The following FUT8 variants were observed in gnomAD, a reference collection of about 807,000 sequenced individuals.
FUT8 encodes fucosyltransferase 8, also known as alpha-(1,6)-fucosyltransferase.
In FUT8, 29 loss-of-function variants were observed where a neutral mutation model predicts 71.3. The ratio of observed to expected loss-of-function variants is 0.41; its 90% CI spans 0.30 to 0.55. The LOEUF (loss-of-function observed/expected upper bound fraction) is 0.55, where lower values mean the gene tolerates loss of function less well. Among genes scored for constraint, FUT8 ranks in the 20% least tolerant of loss-of-function variants. The probability of loss-of-function intolerance (pLI) is 0.34; values close to 1 mark genes in which losing one functional copy is unlikely to be tolerated. For synonymous variants in FUT8, 254 were observed against 239.3 expected (o/e 1.06, Z -0.57); for missense variants, 544 against 702.1 (o/e 0.77, Z 2.55).
intron 7 of FUT8, among the ~76,000 whole-genome samples, chr14:65,712,782 C>A (rs1894869474): frequency 6.6e-6 from 1 of 152,012 alleles, no homozygotes; most frequent in Non-Finnish European, 1.5e-5. Context: ...TGAAAAAATT[C>A]TGTGGGTACA....
At chr14:65,741,864 TA>T (rs1896522009) in intron 10 of FUT8, among the ~76,000 whole-genome samples, 1 of 152,010 alleles carries the variant, frequency 6.6e-6, no homozygotes, top group African/African-American at 2.4e-5. Flanking sequence ...ATTTTAATTG[TA>T]ATAATCTTTC....
chr14:65,668,472 A>G (rs762367042), intron 6 of FUT8, among the ~76,000 whole-genome samples: 1 of 152,204 alleles, frequency 6.6e-6, no homozygotes, highest in Non-Finnish European at 1.5e-5. Flanking sequence ...ATGCAAATCA[A>G]AATCACAGTG....
intron 2 of FUT8, among the ~76,000 whole-genome samples, chr14:65,528,193 C>T (rs1883639111): frequency 6.6e-6 from 1 of 152,234 alleles, no homozygotes; most frequent in Non-Finnish European, 1.5e-5. Flanking sequence ...GCGGTGGACT[C>T]CACCCAGTTT....
chr14:65,553,835 T>C (rs951426921), intron 2 of FUT8, among the ~76,000 whole-genome samples: 11 of 151,992 alleles, frequency 7.2e-5, no homozygotes, highest in Admixed American at 7.2e-4. Flanking sequence ...CCTAGTTACC[T>C]GAAAGATTTT....
the FUT8 span, among the ~76,000 whole-genome samples, chr14:65,378,025 T>C: frequency 6.6e-6 from 1 of 152,212 alleles, no homozygotes; most frequent in African/African-American, 2.4e-5. Context: ...GCTGCCTCAG[T>C]TGTGACAGTT....
intron 2 of FUT8, among the ~76,000 whole-genome samples, chr14:65,531,831 C>T (rs908785283): frequency 6.6e-6 from 1 of 152,118 alleles, no homozygotes; most frequent in Non-Finnish European, 1.5e-5. Context: ...TTTATGTGTT[C>T]TCATCATTTA....
At chr14:65,461,292 G>A (rs1594655550) in intron 2 of FUT8, among the ~76,000 whole-genome samples, 1 of 152,232 alleles carries the variant, frequency 6.6e-6, no homozygotes, top group East Asian at 1.9e-4. Context: ...GTGTTCAAAT[G>A]TCCTTCTTAT....
chr14:65,585,742 G>T (rs7160390), intron 3 of FUT8, among the ~76,000 whole-genome samples: 1 of 152,162 alleles, frequency 6.6e-6, no homozygotes, highest in African/African-American at 2.4e-5. Flanking sequence ...TCTAATTAGC[G>T]TAGTTTCCTT....
chr14:65,492,353 A>C (rs555292771), intron 2 of FUT8, among the ~76,000 whole-genome samples: 1 of 152,336 alleles, frequency 6.6e-6, no homozygotes, highest in African/African-American at 2.4e-5. Flanking sequence ...GCAGAAACAG[A>C]CTGTAGCCAC....
At chr14:65,734,940 AC>A (rs756446268) in intron 10 of FUT8, among the ~76,000 whole-genome samples, 1 of 152,052 alleles carries the variant, frequency 6.6e-6, no homozygotes, top group Non-Finnish European at 1.5e-5. Flanking sequence ...GGCCAGTAAG[AC>A]CCTCACTTAA....
chr14:65,717,135 C>T (rs1195131438), intron 7 of FUT8, among the ~76,000 whole-genome samples: 1 of 145,272 alleles, frequency 6.9e-6, no homozygotes, highest in East Asian at 2.1e-4. Context: ...AGGCGCTCCT[C>T]ATTTCCCAGA....
intron 7 of FUT8, among the ~76,000 whole-genome samples, chr14:65,694,034 GGCCT>G (rs745851284): frequency 2.8e-4 from 36 of 127,396 alleles, no homozygotes; most frequent in Non-Finnish European, 7.9e-5. Context: ...TAGTTGTTGT[GGCCT>G]GTCTTTTATT....
At chr14:65,497,274 G>C (rs1035003214) in intron 2 of FUT8, among the ~76,000 whole-genome samples, 4 of 152,166 alleles carry the variant, frequency 2.6e-5, no homozygotes, top group Admixed American at 1.3e-4. Context: ...TGAAGGACTT[G>C]TTTGGAAGTT....
At chr14:65,451,645 TG>T (rs1282657427) in intron 1 of FUT8, among the ~76,000 whole-genome samples, 3 of 152,108 alleles carry the variant, frequency 2.0e-5, no homozygotes, top group Admixed American at 2.0e-4. Context: ...AATTGAAAGA[TG>T]GTAAATGCAG....
At chr14:65,453,356 T>C (rs946956158) in intron 1 of FUT8, among the ~76,000 whole-genome samples, 1 of 152,208 alleles carries the variant, frequency 6.6e-6, no homozygotes, top group African/African-American at 2.4e-5. Flanking sequence ...TATTTGAAAG[T>C]GTTTTTTAAC....
chr14:65,698,717 G>A (rs1894125540), intron 7 of FUT8, among the ~76,000 whole-genome samples: 1 of 152,154 alleles, frequency 6.6e-6, no homozygotes, highest in South Asian at 2.1e-4. Flanking sequence ...GTCTAGGTAA[G>A]CGATCATTTC....
chr14:65,558,880 T>TTA (rs149903465), intron 2 of FUT8, among the ~76,000 whole-genome samples: 10,602 of 152,212 alleles, frequency 0.07, 678 homozygotes, highest in East Asian at 0.2. Context: ...AATGATGCTA[T>TTA]TAATTAGAAA....
rs989143044 is a variant in FUT8 at position 65,623,183 on chromosome 14, G to A, written c.483-6309G>A. Among the ~76,000 whole-genome samples, 18 of 152,176 alleles carry A rather than the reference G, an allele frequency of 1.2e-4. No homozygotes were observed. In the South Asian group the frequency reaches 2.1e-3, roughly 18 times the overall value. On this transcript the variant is annotated intron_variant, in intron 5 of 10. Transcript: ENST00000673929. ...TGGGATTATAGGCGTGAGCCACCAC[G>A]CCCGACCAAACTTCTCTCTTCAACA... is the stretch of plus-strand genomic sequence containing the variant.
At chr14:65,659,708 C>T (rs117783427) in intron 6 of FUT8, among the ~76,000 whole-genome samples, 3,310 of 152,102 alleles carry the variant, frequency 0.022, 68 homozygotes, top group Middle Eastern at 0.027. Context: ...CCTCTTCTCT[C>T]GTCCGCCTTT....
Sources: gnomAD v4.1 joint callset for allele counts (sites outside exome capture counted in the v4.1 genomes callset) on GRCh38, gnomAD v4.1.1 for gene constraint, MANE v1.5 for transcripts, NCBI Gene and HGNC (gene_info 2026-07-23, HGNC 2026-07-21) for gene names.